The following ST6GALNAC5 variants were observed in gnomAD, a reference collection of about 807,000 sequenced individuals.
The protein encoded by ST6GALNAC5 is ST6 N-acetylgalactosaminide alpha-2,6-sialyltransferase 5, also known as alpha-N-acetylgalactosaminide alpha-2,6-sialyltransferase 5.
A neutral mutation model predicts 33.6 loss-of-function variants in ST6GALNAC5; 27 were observed. That is an observed-to-expected ratio of 0.80 (90% CI 0.59 to 1.11). The LOEUF is 1.11. Among genes scored for constraint, ST6GALNAC5 ranks in the 50% least tolerant of loss-of-function variants. The probability of loss-of-function intolerance (pLI) is 0.00; values close to 1 mark genes in which losing one functional copy is unlikely to be tolerated. For synonymous variants in ST6GALNAC5, 194 were observed against 171.2 expected, an observed-to-expected ratio of 1.13 and a Z score of -1.04; for missense variants, 428 against 454.0, an observed-to-expected ratio of 0.94 and a Z score of 0.52.
intron 2 of ST6GALNAC5, among the ~76,000 whole-genome samples, chr1:76,993,878 A>G (rs1468599227): frequency 3.9e-5 from 6 of 152,148 alleles, no homozygotes; most frequent in Non-Finnish European, 8.8e-5. Flanking sequence ...CTGACTTAGA[A>G]TCTATTTGAA....
At chr1:76,960,005 C>T (rs1381247763) in intron 2 of ST6GALNAC5, among the ~76,000 whole-genome samples, 2 of 152,164 alleles carry the variant, frequency 1.3e-5, no homozygotes, top group Non-Finnish European at 2.9e-5. Context: ...TATGCAGCCT[C>T]TATGAGGCCT....
chr1:77,020,204 C>G (rs1213506805), intron 2 of ST6GALNAC5, among the ~76,000 whole-genome samples: 2 of 152,086 alleles, frequency 1.3e-5, no homozygotes, highest in Non-Finnish European at 2.9e-5. Context: ...AACAAGCATG[C>G]TTTTGAGGGG....
chr1:77,044,752 G>T, intron 3 of ST6GALNAC5, 139 bp downstream of exon 3: 1 of 1,032,784 alleles, frequency 9.7e-7, no homozygotes, highest in Non-Finnish European at 1.4e-6. Flanking sequence ...TCACTTGTAG[G>T]GTCCTCTGCG....
intron 2 of ST6GALNAC5, among the ~76,000 whole-genome samples, chr1:77,009,503 C>T (rs775198532): frequency 3.9e-5 from 6 of 151,936 alleles, no homozygotes; most frequent in South Asian, 2.1e-4. Context: ...AAAGAAATTA[C>T]GGGTAGGAGA....
intron 2 of ST6GALNAC5, among the ~76,000 whole-genome samples, chr1:77,031,563 G>T (rs1288289908): frequency 6.6e-6 from 1 of 152,196 alleles, no homozygotes; most frequent in African/African-American, 2.4e-5. Flanking sequence ...CAGGTTAAGT[G>T]TAATTGGTTT....
At chr1:76,892,509 C>T (rs1031865159) in intron 2 of ST6GALNAC5, among the ~76,000 whole-genome samples, 1 of 152,148 alleles carries the variant, frequency 6.6e-6, no homozygotes, top group Middle Eastern at 3.4e-3. Flanking sequence ...AGGAATAGAA[C>T]AAAAAGCACT....
At chr1:76,914,757 T>A (rs1224353768) in intron 2 of ST6GALNAC5, among the ~76,000 whole-genome samples, 3 of 151,978 alleles carry the variant, frequency 2.0e-5, no homozygotes, top group East Asian at 3.9e-4. Flanking sequence ...AACCTAGGCA[T>A]TACCATTCAG....
At chr1:77,021,812 G>T (rs899710306) in intron 2 of ST6GALNAC5, among the ~76,000 whole-genome samples, 8 of 139,598 alleles carry the variant, frequency 5.7e-5, no homozygotes, top group African/African-American at 2.3e-4. Flanking sequence ...CATTTTATAG[G>T]ATGCACATTG....
intron 2 of ST6GALNAC5, among the ~76,000 whole-genome samples, chr1:76,875,794 C>T (rs539143193): frequency 1.3e-5 from 2 of 152,236 alleles, no homozygotes; most frequent in South Asian, 2.1e-4. Flanking sequence ...AGCATACATC[C>T]CTGCCACCAT....
chr1:76,935,826 A>G lies in ST6GALNAC5; in HGVS notation c.261+67084A>G, dbSNP rs573342308. 3.6e-4 allele frequency among the ~76,000 whole-genome samples: 55 copies of G among 152,184 alleles called. 1 individual carries two copies. In the South Asian group the frequency reaches 6.8e-3, roughly 19 times the overall value. ...AGGGTTGCAATTATTAAATGCCTGC[A>G]AAGTCCAGACACTTTCTAGCCCTTG... On this transcript the variant is annotated intron_variant, in intron 2 of 4. Transcript: ENST00000477717.
intron 2 of ST6GALNAC5, among the ~76,000 whole-genome samples, chr1:76,940,871 G>A (rs1041902452): frequency 2.0e-5 from 3 of 151,994 alleles, no homozygotes; most frequent in African/African-American, 7.2e-5. Flanking sequence ...TTGCATTCCT[G>A]ATGAAAATAA....
At chr1:76,979,446 C>T (rs181597628) in intron 2 of ST6GALNAC5, among the ~76,000 whole-genome samples, 1 of 152,122 alleles carries the variant, frequency 6.6e-6, no homozygotes, top group East Asian at 1.9e-4. Context: ...AATAATGAAA[C>T]AGAATAGAGA....
chr1:76,956,193 C>CTCTA (rs1178863214), intron 2 of ST6GALNAC5, among the ~76,000 whole-genome samples: 1 of 151,894 alleles, frequency 6.6e-6, no homozygotes, highest in African/African-American at 2.4e-5. Flanking sequence ...CAGGGTTAGA[C>CTCTA]TCTATTAAAG....
At chr1:76,973,586 G>A (rs1648853413) in intron 2 of ST6GALNAC5, among the ~76,000 whole-genome samples, 1 of 152,072 alleles carries the variant, frequency 6.6e-6, no homozygotes, top group Non-Finnish European at 1.5e-5. Flanking sequence ...TCTGAGGACT[G>A]TGACCCAGTC....
At chr1:76,981,888 A>G (rs1026126073) in intron 2 of ST6GALNAC5, among the ~76,000 whole-genome samples, 1 of 152,246 alleles carries the variant, frequency 6.6e-6, no homozygotes, top group African/African-American at 2.4e-5. Context: ...GTGGAACTCC[A>G]GCAAACTCCA....
At chr1:76,908,517 C>T (rs114824440) in intron 2 of ST6GALNAC5, among the ~76,000 whole-genome samples, 2,048 of 152,276 alleles carry the variant, frequency 0.013, 48 homozygotes, top group African/African-American at 0.046. Flanking sequence ...ATTCAGATCA[C>T]AGCAGTTTCT....
At chr1:76,983,320 T>A (rs935880170) in intron 2 of ST6GALNAC5, among the ~76,000 whole-genome samples, 38 of 152,240 alleles carry the variant, frequency 2.5e-4, no homozygotes, top group African/African-American at 8.9e-4. Flanking sequence ...GAGGAAGATC[T>A]ACCAAGCAAA....
chr1:76,876,034 T>A (rs1319203645), intron 2 of ST6GALNAC5, among the ~76,000 whole-genome samples: 1 of 152,200 alleles, frequency 6.6e-6, no homozygotes, highest in Non-Finnish European at 1.5e-5. Flanking sequence ...ATCATAATGG[T>A]GGATAAGGCA....
At chr1:77,015,884 G>T (rs182668287) in intron 2 of ST6GALNAC5, among the ~76,000 whole-genome samples, 7 of 152,088 alleles carry the variant, frequency 4.6e-5, no homozygotes, top group Admixed American at 2.6e-4. Context: ...GAGAGAGGTG[G>T]GCTGGAGAGA....
Sources: gnomAD v4.1 joint callset for allele counts (sites outside exome capture counted in the v4.1 genomes callset) on GRCh38, gnomAD v4.1.1 for gene constraint, MANE v1.5 for transcripts, NCBI Gene and HGNC (gene_info 2026-07-23, HGNC 2026-07-21) for gene names.